LHFPL3: variants seen among roughly 807,000 people sequenced by gnomAD.
LHFPL3 encodes LHFPL tetraspan subfamily member 3, also known as LHFPL tetraspan subfamily member 3 protein.
Under a neutral mutation model 19.3 loss-of-function variants are expected in LHFPL3, and 5 were observed. The ratio of observed to expected loss-of-function variants is 0.26; its 90% CI spans 0.14 to 0.54. The LOEUF is 0.54. LHFPL3 is among the 20% of genes least tolerant of loss of function. The pLI is 0.94. For missense variants in LHFPL3, 249 were observed against 307.4 expected, an observed-to-expected ratio of 0.81 and a Z score of 1.42; for synonymous variants, 133 against 126.2, an observed-to-expected ratio of 1.05 and a Z score of -0.36.
intron 1 of LHFPL3, among the ~76,000 whole-genome samples, chr7:104,692,331 A>G (rs544873161): frequency 6.6e-6 from 1 of 152,260 alleles, no homozygotes; most frequent in Admixed American, 6.5e-5. Flanking sequence ...CTGAAGTAAC[A>G]AAGAGCCAAA....
At chr7:104,470,803 T>C (rs1228899386) in intron 1 of LHFPL3, among the ~76,000 whole-genome samples, 1 of 152,218 alleles carries the variant, frequency 6.6e-6, no homozygotes, top group Non-Finnish European at 1.5e-5. Flanking sequence ...ATGCTTTCTC[T>C]TCGCAATAGG....
intron 1 of LHFPL3, among the ~76,000 whole-genome samples, chr7:104,607,328 A>G (rs1426091744): frequency 6.6e-6 from 1 of 152,204 alleles, no homozygotes; most frequent in Non-Finnish European, 1.5e-5. Context: ...AATTTTGTAA[A>G]TGGAGTTTCA....
chr7:104,548,241 CAT>C (rs980380371), intron 1 of LHFPL3, among the ~76,000 whole-genome samples: 11 of 152,082 alleles, frequency 7.2e-5, no homozygotes, highest in African/African-American at 1.9e-4. Flanking sequence ...TTATTTTAAA[CAT>C]GTGTTCTCCA....
chr7:104,885,943 A>C (rs1792139076), intron 2 of LHFPL3, among the ~76,000 whole-genome samples: 1 of 152,100 alleles, frequency 6.6e-6, no homozygotes, highest in African/African-American at 2.4e-5. Flanking sequence ...GCTTTTGCTG[A>C]AGCCTCCACC....
chr7:104,800,466 C>G (rs1790221869), intron 2 of LHFPL3, among the ~76,000 whole-genome samples: 1 of 152,154 alleles, frequency 6.6e-6, no homozygotes, highest in Admixed American at 6.5e-5. Context: ...TTCCTACGTG[C>G]CTTCCTTAAA....
intron 1 of LHFPL3, among the ~76,000 whole-genome samples, chr7:104,343,442 G>GGTGGAGGT (rs909510586): frequency 1.2e-4 from 17 of 142,856 alleles, no homozygotes; most frequent in Non-Finnish European, 2.4e-4. Context: ...GAACCCGGGA[G>GGTGGAGGT]GTGGAGGTTG....
At chr7:104,442,040 A>G (rs763381162) in intron 1 of LHFPL3, among the ~76,000 whole-genome samples, 19 of 151,066 alleles carry the variant, frequency 1.3e-4, no homozygotes, top group South Asian at 2.1e-4. Context: ...ATTTCTCTAC[A>G]TCCTCACCAA....
intron 1 of LHFPL3, among the ~76,000 whole-genome samples, chr7:104,458,917 C>G (rs1792604632): frequency 6.6e-6 from 1 of 152,138 alleles, no homozygotes. Flanking sequence ...TGGGAGATTT[C>G]CAGCAGTGCA....
chr7:104,560,595 C>T (rs529690182), intron 1 of LHFPL3, among the ~76,000 whole-genome samples: 10 of 151,770 alleles, frequency 6.6e-5, no homozygotes, highest in South Asian at 2.1e-4. Context: ...GTCTTGCTAG[C>T]GGTCTATCAA....
At chr7:104,777,415 G>A (rs1466921899) in intron 2 of LHFPL3, among the ~76,000 whole-genome samples, 3 of 152,166 alleles carry the variant, frequency 2.0e-5, no homozygotes, top group Non-Finnish European at 4.4e-5. Context: ...GAGATGCCCC[G>A]CTGTGGCCCC....
chr7:104,786,680 T>TGGG (rs1340681197), intron 2 of LHFPL3: 1 of 122,752 alleles, frequency 8.1e-6, no homozygotes, highest in Non-Finnish European at 1.7e-5. Context: ...TACTACTGTG[T>TGGG]GTGTGTGGGG....
intron 1 of LHFPL3, among the ~76,000 whole-genome samples, chr7:104,440,819 C>T (rs942417041): frequency 2.0e-5 from 3 of 152,006 alleles, no homozygotes; most frequent in Non-Finnish European, 2.9e-5. Flanking sequence ...GTGAGACAAG[C>T]GGTTCATTTA....
At chr7:104,353,704 A>C (rs1790221596) in intron 1 of LHFPL3, among the ~76,000 whole-genome samples, 1 of 152,184 alleles carries the variant, frequency 6.6e-6, no homozygotes, top group South Asian at 2.1e-4. Context: ...AACCTGCATA[A>C]ACTCCAAGTG....
intron 1 of LHFPL3, among the ~76,000 whole-genome samples, chr7:104,509,662 G>T (rs1793772256): frequency 6.6e-6 from 1 of 152,050 alleles, no homozygotes; most frequent in Non-Finnish European, 1.5e-5. Flanking sequence ...TGCTTTGCCT[G>T]TAAAACCAAG....
intron 2 of LHFPL3, among the ~76,000 whole-genome samples, chr7:104,864,145 G>A (rs1424204571): frequency 2.6e-5 from 4 of 152,228 alleles, no homozygotes; most frequent in Non-Finnish European, 5.9e-5. Context: ...GAGCCAAGAT[G>A]GCCGAATAGG....
At chr7:104,508,172 C>A (rs1293391596) in intron 1 of LHFPL3, among the ~76,000 whole-genome samples, 2 of 152,114 alleles carry the variant, frequency 1.3e-5, no homozygotes, top group East Asian at 1.9e-4. Context: ...ATGTTTATTG[C>A]GGCATTATTC....
At chr7:104,465,474 C>T (rs574537571) in intron 1 of LHFPL3, among the ~76,000 whole-genome samples, 3 of 152,188 alleles carry the variant, frequency 2.0e-5, no homozygotes, top group African/African-American at 7.2e-5. Flanking sequence ...CTAATAAAGA[C>T]ATACCCAAGA....
intron 1 of LHFPL3, among the ~76,000 whole-genome samples, chr7:104,529,648 T>G (rs1318847628): frequency 1.3e-5 from 2 of 152,160 alleles, no homozygotes; most frequent in African/African-American, 4.8e-5. Flanking sequence ...TTTCTCTACA[T>G]AAGACAGAAA....
rs1792078049 is a variant in LHFPL3 at position 104,435,136 on chromosome 7, A to C, written c.445+105912A>C. Among the ~76,000 whole-genome samples, 3 of 152,024 alleles carry C rather than the reference A, an allele frequency of 2.0e-5. No homozygotes were observed. In the South Asian group the frequency reaches 6.2e-4, roughly 31 times the overall value. On this transcript the variant is annotated intron_variant, in intron 1 of 2. Coordinates refer to ENST00000424859, the MANE Select transcript of LHFPL3 (RefSeq NM_199000.3). ...AAAATAGGATTAAATGTTTTCCATA[A>C]TGTTCTCTTTATTATTTATTTATTG...
Sources: allele counts gnomAD v4.1 joint callset (sites outside exome capture counted in the v4.1 genomes callset), GRCh38; gene constraint gnomAD v4.1.1; transcripts MANE v1.5; gene names NCBI Gene and HGNC (gene_info 2026-07-23, HGNC 2026-07-21).